EXTL1: variants seen among roughly 807,000 people sequenced by gnomAD.
EXTL1 encodes the protein exostosin like glycosyltransferase 1, also known as exostosin-like 1.
A neutral mutation model predicts 64.6 loss-of-function variants in EXTL1; 43 were observed. That is an observed-to-expected ratio of 0.67 (90% CI 0.52 to 0.86). The LOEUF (loss-of-function observed/expected upper bound fraction) is 0.86. Ranked by LOEUF, EXTL1 falls within the 40% of genes least tolerant of loss-of-function variation. The pLI is 0.00. For synonymous variants in EXTL1, 352 were observed against 360.5 expected (o/e 0.98, Z 0.27); for missense variants, 766 against 879.0 (o/e 0.87, Z 1.62).
chr1:26,030,671 C>T, intron 4 of EXTL1, 76 bp downstream of exon 4: 3 of 1,489,368 alleles, frequency 2.0e-6, no homozygotes, highest in South Asian at 2.5e-5. Flanking sequence ...TACTTCTCTG[C>T]CACAGTGTTT....
rs908920153 is a variant in EXTL1 at position 26,033,504 on chromosome 1, T to C, written c.1518+189T>C. Among the ~76,000 whole-genome samples the C allele has an allele frequency of 6.6e-6, 1 of 152,200 alleles. No homozygotes were observed. The highest frequency in any genetic ancestry group is 1.5e-5 in the Non-Finnish European group (1 of 68,028). On this transcript the variant is annotated intron_variant, in intron 8 of 10. Transcript: ENST00000374280. This position sits in a 1 kb window ranked among gnomAD's most constrained non-coding sequence, Gnocchi z 5.1. ...TCGTTGAGGCTTTCCATGGACTCTT[T>C]TGAGAAATTGTTTTTGTGGCCCCTG...
rs765069882 is a variant in EXTL1, at chr1:26,022,765, C to G, written c.119C>G (p.Pro40Arg). ...CTGGCATTGCCTCCCAGACCTCGGCCCGGGGCTTCCCAAGGCTGGCCCCGC... is the reference window on the plus strand; with the variant it reads ...CTGGCATTGCCTCCCAGACCTCGGCGCGGGGCTTCCCAAGGCTGGCCCCGC... ...LRLALPPRPR[P>R]GASQGWPRWL... Residue 40 changes from proline (P) to arginine (R), a missense_variant, in exon 1 of 11, where the codon CCC becomes CGC. This residue lies in a region of EXTL1 where 571 missense variants were observed against 647.6 expected (regional missense o/e 0.88). Coordinates refer to ENST00000374280, the MANE Select transcript of EXTL1 (RefSeq NM_004455.3). The G allele has an allele frequency of 6.2e-7, 1 of 1,614,102 alleles. No homozygotes were observed. Among genetic ancestry groups the G allele is most frequent in the Non-Finnish European group, 8.5e-7 (1 of 1,180,014 alleles).
At chr1:26,030,696 C>CCTT (rs1553142273) in intron 4 of EXTL1, 101 bp downstream of exon 4, 12 of 1,350,108 alleles carry the variant, frequency 8.9e-6, no homozygotes, top group Non-Finnish European at 9.0e-6. Flanking sequence ...AACCCCCCCC[C>CCTT]CTTCCTTGAA....
At position 26,023,054 on chromosome 1, in the gene EXTL1, C is replaced by T. The variant is rs374531021; in HGVS notation, c.408C>T (p.Leu136=). The change falls in exon 1 of 11, where the codon CTC becomes CTT. Residue 136 remains leucine, a synonymous_variant. Transcript: ENST00000374280. ...CTGCTGGGGCCTGCCTCCTCCTCCT[C>T]CTCAGCCTGGACGCCCAGACTGGAG... ...FSPAGACLLL[L]LSLDAQTGEC... is the part of the protein sequence containing the mutation. 6.2e-7 allele frequency: 1 copy of T among 1,613,812 alleles called. No individual in the cohort carries two copies. Among genetic ancestry groups the T allele is most frequent in the South Asian group, 1.1e-5 (1 of 91,006 alleles).
intron 3 of EXTL1, among the ~76,000 whole-genome samples, chr1:26,030,207 T>A (rs146924907): frequency 1.1e-3 from 175 of 152,308 alleles, no homozygotes; most frequent in Middle Eastern, 6.8e-3. Context: ...ACCATTTTTT[T>A]AATTGAGCCT....
intron 2 of EXTL1, 134 bp downstream of exon 2, chr1:26,029,420 G>A (rs1182980166): frequency 3.8e-6 from 3 of 781,482 alleles, no homozygotes; most frequent in African/African-American, 3.4e-5. Flanking sequence ...AGGCATGCCT[G>A]TGTCCCCATT....
chr1:26,026,037 C>T (rs983462683), intron 1 of EXTL1, among the ~76,000 whole-genome samples: 7 of 151,916 alleles, frequency 4.6e-5, no homozygotes, highest in Non-Finnish European at 1.0e-4. Flanking sequence ...GCGGGTGGAT[C>T]GCCTGAGCTT....
rs928189409 is a variant in EXTL1 at position 26,034,355 on chromosome 1, G to A, written c.1680-481G>A. Reference sequence around the variant, plus strand: ...CATGTTTAAATCAAATATGCATAACGTGGAACCTCTTATAGATTACTCAGG... The same window carrying A: ...CATGTTTAAATCAAATATGCATAACATGGAACCTCTTATAGATTACTCAGG... On this transcript the variant is annotated intron_variant, in intron 9 of 10. Coordinates refer to ENST00000374280, the MANE Select transcript of EXTL1 (RefSeq NM_004455.3). The surrounding 1 kb of genome is among the most constrained non-coding windows in gnomAD (Gnocchi z 4.6). Among the ~76,000 whole-genome samples, 1 of 152,188 alleles carries A rather than the reference G, an allele frequency of 6.6e-6. No individual in the cohort carries two copies. Among genetic ancestry groups the A allele is most frequent in the African/African-American group, 2.4e-5 (1 of 41,438 alleles).
At chr1:26,027,213 A>T (rs1462247452) in intron 1 of EXTL1, among the ~76,000 whole-genome samples, 2 of 152,200 alleles carry the variant, frequency 1.3e-5, no homozygotes, top group Non-Finnish European at 2.9e-5. Flanking sequence ...AGGCAAGTCA[A>T]TTGTTTGACA....
At position 26,025,513 on chromosome 1, in the gene EXTL1, G is replaced by A. The variant is rs151308015; in HGVS notation, c.779+2088G>A. 5.6e-4 allele frequency among the ~76,000 whole-genome samples: 85 copies of A among 152,306 alleles called. No homozygotes were observed. The highest frequency in any genetic ancestry group is 1.9e-3 in the African/African-American group (80 of 41,570). On this transcript the variant is annotated intron_variant, in intron 1 of 10. Coordinates refer to ENST00000374280, the MANE Select transcript of EXTL1 (RefSeq NM_004455.3). The surrounding 1 kb of genome is among the most constrained non-coding windows in gnomAD (Gnocchi z 5.3). The stretch of plus-strand genomic sequence containing the variant: ...GAGCCCCTCACTTTTCTAATCAGGC[G>A]CTTGGAAGCAGTGGAGTTGGGATTC...
In EXTL1 at chr1:26,034,464, T is replaced by C. The variant is rs754851073; in HGVS notation, c.1680-372T>C. The stretch of plus-strand genomic sequence containing the variant: ...TGGCCTGTCTGAGGGCCGTGTGAAG[T>C]GAGCTCACCCGGAGCGGTATCAGCC... On this transcript the variant is annotated intron_variant, in intron 9 of 10. Transcript: ENST00000374280. The surrounding 1 kb of genome is among the most constrained non-coding windows in gnomAD (Gnocchi z 4.6). Among the ~76,000 whole-genome samples, 1 of 152,216 alleles carries C rather than the reference T, an allele frequency of 6.6e-6. No individual in the cohort carries two copies. The highest frequency in any genetic ancestry group is 1.5e-5 in the Non-Finnish European group (1 of 68,030).
rs528275752 is a variant in EXTL1 at position 26,035,572 on chromosome 1, G to T, written c.*225G>T. ...CTGCGGAGGCTGAGCCCCGCGACCG[G>T]AGCGCCGCTCTCCGCTTCTCCACCC... On this transcript the variant is annotated 3_prime_UTR_variant, in exon 11 of 11. Transcript: ENST00000374280. This position sits in a 1 kb window ranked among gnomAD's most constrained non-coding sequence, Gnocchi z 5.3. 3 of 451,824 alleles carry T rather than the reference G, an allele frequency of 6.6e-6. No homozygotes were observed. Among genetic ancestry groups the T allele is most frequent in the South Asian group, 5.3e-5 (1 of 18,956 alleles). 28.0% of individuals were successfully genotyped at this position (451,824 alleles called of 1,614,324 possible).
rs2050271138 is a variant in EXTL1 at position 26,030,534 on chromosome 1, C to T, written c.1040C>T (p.Thr347Ile). 6.2e-7 allele frequency: 1 copy of T among 1,613,570 alleles called. No homozygotes were observed. Among genetic ancestry groups the T allele is most frequent in the African/African-American group, 1.3e-5 (1 of 74,888 alleles). Residue 347 changes from threonine (T) to isoleucine (I), a missense_variant, in exon 4 of 11, where the codon ACC (threonine) becomes ATC (isoleucine). By Grantham distance (89) the Thr-to-Ile change is moderately conservative. Around this residue, in one of 3 missense-constraint regions of EXTL1, gnomAD observed 571 missense variants for 647.6 expected, o/e 0.88. Transcript: ENST00000374280. ...CGGGTCCTCGCCCTGCGTCAGCAGA[C>T]CCAGTTTCTATGGGATGCCTACTTC... ...PARVLALRQQ[T>I]QFLWDAYFSS...
rs2050285033 is a variant in EXTL1, at chr1:26,031,441, CTG to C, written c.1235-15_1235-14del. The C allele has an allele frequency of 6.0e-6, 9 of 1,489,960 alleles. No individual in the cohort carries two copies. The highest frequency in any genetic ancestry group is 6.4e-6 in the Non-Finnish European group (7 of 1,093,106). 92.3% of individuals were successfully genotyped at this position (1,489,960 alleles called of 1,614,324 possible). Reference sequence around the variant, plus strand: ...TTCTGTTCCCTCCCACTCTAATAGCCTGTGTCTCATTCCCCCAGGCTCCCGCC... The same window carrying C: ...TTCTGTTCCCTCCCACTCTAATAGCCTGTCTCATTCCCCCAGGCTCCCGCC... On this transcript the variant is annotated splice_polypyrimidine_tract_variant and intron_variant, in intron 5 of 10. Coordinates refer to ENST00000374280, the MANE Select transcript of EXTL1 (RefSeq NM_004455.3).
chr1:26,034,959 T>C lies in EXTL1; in HGVS notation c.1803T>C (p.Pro601=). The change falls in exon 10 of 11, where the codon CCT becomes CCC. Residue 601 remains proline (P), a synonymous_variant. Coordinates refer to ENST00000374280, the MANE Select transcript of EXTL1 (RefSeq NM_004455.3). The surrounding 1 kb of genome is among the most constrained non-coding windows in gnomAD (Gnocchi z 4.6). ...FIVAAVTKLP[P]IKVPYGKQRQ... ...TAGCAGCAGTCACCAAGCTGCCCCC[T>C]ATCAAGGTGCCCTATGGCAAGCAGC... 1 of 1,614,180 alleles carries C rather than the reference T, an allele frequency of 6.2e-7. No homozygotes were observed. The highest frequency in any genetic ancestry group is 8.5e-7 in the Non-Finnish European group (1 of 1,180,022).
In EXTL1 at chr1:26,035,343, C is replaced by A. The variant is rs770088842; in HGVS notation, c.2027C>A (p.Pro676His). ...QRKKYRSLEK[P>H] ...AAGAAGTACCGCAGCCTGGAGAAGC[C>A]CTAGGGGGGCGACCCGCGGAGACCC... The change falls in exon 11 of 11, where the codon CCC (proline) becomes CAC (histidine). Residue 676 changes from proline (P) to histidine (H), a missense_variant. Around this residue, in one of 3 missense-constraint regions of EXTL1, gnomAD observed 194 missense variants for 214.5 expected, o/e 0.90. Coordinates refer to ENST00000374280, the MANE Select transcript of EXTL1 (RefSeq NM_004455.3). This position sits in a 1 kb window ranked among gnomAD's most constrained non-coding sequence, Gnocchi z 5.3. 6 of 1,600,736 alleles carry A rather than the reference C, an allele frequency of 3.7e-6. No homozygotes were observed. In the African/African-American group the frequency reaches 8.0e-5, roughly 21 times the overall value.
Position 26,023,391 on chromosome 1 carries a change from G to T in EXTL1, c.745G>T (p.Asp249Tyr). ...ADTGSSACPW[D>Y]GRCEQDPGPG... The stretch of plus-strand genomic sequence containing the variant: ...CACTGGCTCCTCTGCCTGCCCCTGG[G>T]ATGGGCGCTGTGAGCAAGACCCTGG... The change falls in exon 1 of 11, where the codon GAT becomes TAT. Residue 249 changes from aspartate (D) to tyrosine (Y), a missense_variant. By Grantham distance (160) the Asp-to-Tyr change is radical. Around this residue, in one of 3 missense-constraint regions of EXTL1, gnomAD observed 571 missense variants for 647.6 expected, o/e 0.88. Transcript: ENST00000374280. 1 of 1,455,404 alleles carries T rather than the reference G, an allele frequency of 6.9e-7. No homozygotes were observed. Among genetic ancestry groups the T allele is most frequent in the Non-Finnish European group, 9.1e-7 (1 of 1,100,540 alleles). The allele number at this position is 1,455,404 out of a possible 1,614,324, so 90.2% of individuals were successfully genotyped here.
chr1:26,031,538 C>T lies in EXTL1; in HGVS notation c.1313C>T (p.Ala438Val), dbSNP rs372373343. 4.6e-5 allele frequency: 73 copies of T among 1,597,454 alleles called. No individual in the cohort carries two copies. The highest frequency in any genetic ancestry group is 2.9e-4 in the Admixed American group (17 of 58,150). ...PGQPPLKLIQ[A>V]VAGSQHCAQI... ...CAGCCCCCTCTGAAGCTCATCCAGG[C>T]GGTGGCAGGCTCCCAGCACTGTGCC... The change falls in exon 6 of 11, where the codon GCG becomes GTG. Residue 438 changes from alanine to valine, a missense_variant. Physicochemically the swap from Ala to Val is moderately conservative, Grantham distance 64. Transcript: ENST00000374280.
chr1:26,035,690 T>A lies in EXTL1; in HGVS notation c.*343T>A. On this transcript the variant is annotated 3_prime_UTR_variant, in exon 11 of 11. Transcript: ENST00000374280. The surrounding 1 kb of genome is among the most constrained non-coding windows in gnomAD (Gnocchi z 5.3). Reference sequence around the variant, plus strand: ...CGCCCCCAATGGGTTCGGTCTCCTTTGCGCTTTCGCAGTCCAGTGTTTGCC... The same window carrying A: ...CGCCCCCAATGGGTTCGGTCTCCTTAGCGCTTTCGCAGTCCAGTGTTTGCC... 8.1e-6 allele frequency: 2 copies of A among 248,416 alleles called. No individual in the cohort carries two copies. The highest frequency in any genetic ancestry group is 7.7e-6 in the Non-Finnish European group (1 of 129,096). 15.4% of individuals were successfully genotyped at this position (248,416 alleles called of 1,614,324 possible).
Sources: allele counts gnomAD v4.1 joint callset (sites outside exome capture counted in the v4.1 genomes callset), GRCh38; gene constraint gnomAD v4.1.1; regional missense constraint gnomAD v4.1.1; non-coding constraint Gnocchi (gnomAD v3.1); transcripts MANE v1.5; gene names NCBI Gene and HGNC (gene_info 2026-07-23, HGNC 2026-07-21).